Variants in SMARCAD1 observed in about 807,000 individuals in gnomAD.
SMARCAD1 encodes SWI/SNF-related matrix-associated actin-dependent regulator of chromatin subfamily A containing DEAD/H box 1.
In SMARCAD1, 25 loss-of-function variants were observed where a neutral mutation model predicts 127.1. The observed-to-expected ratio is 0.20, with a 90% CI of 0.14 to 0.27. The LOEUF (loss-of-function observed/expected upper bound fraction) is 0.27, where lower values mean the gene tolerates loss of function less well. Ranked by LOEUF, SMARCAD1 falls within the 10% of genes least tolerant of loss-of-function variation. SMARCAD1 has a pLI of 1.00. For missense variants in SMARCAD1, 807 were observed against 1,206.0 expected (o/e 0.67, Z 4.90); for synonymous variants, 400 against 396.9 (o/e 1.01, Z -0.09).
At chr4:94,273,909 A>G (rs529800674) in intron 12 of SMARCAD1, among the ~76,000 whole-genome samples, 193 bp downstream of exon 12, 1 of 152,212 alleles carries the variant, frequency 6.6e-6, no homozygotes. Context: ...GCAGTCTTTT[A>G]AAAAGAACTC....
Position 94,271,368 on chromosome 4 carries a change from A to G in SMARCAD1, c.1572+550A>G, listed in dbSNP as rs568929431. On this transcript the variant is annotated intron_variant, in intron 11 of 23. Coordinates refer to ENST00000354268, the MANE Select transcript of SMARCAD1 (RefSeq NM_020159.5). ...ACATTGCCTTAAAGCTGAGTTCACA[A>G]AGTTTGTTATAGCCAGTAGTCCAGG... Among the ~76,000 whole-genome samples, 26 of 152,234 alleles carry G rather than the reference A, an allele frequency of 1.7e-4. 2 individuals are homozygous for G. In the South Asian group the frequency reaches 5.4e-3, roughly 32 times the overall value.
intron 2 of SMARCAD1, among the ~76,000 whole-genome samples, chr4:94,224,505 C>T (rs1413400459): frequency 6.6e-6 from 1 of 152,166 alleles, no homozygotes; most frequent in African/African-American, 2.4e-5. Context: ...AAAGTTTTTA[C>T]AGCATTTTTG....
intron 2 of SMARCAD1, among the ~76,000 whole-genome samples, chr4:94,210,662 A>G (rs1050123573): frequency 2.0e-5 from 3 of 152,090 alleles, no homozygotes; most frequent in Non-Finnish European, 4.4e-5. Flanking sequence ...TAAGATTTTT[A>G]TGCGCGGTGG....
chr4:94,288,176 A>G (rs1433592904), intron 23 of SMARCAD1, among the ~76,000 whole-genome samples: 1 of 152,156 alleles, frequency 6.6e-6, no homozygotes, highest in African/African-American at 2.4e-5. Context: ...AGTTGGTACA[A>G]TACCATTGTA....
intron 3 of SMARCAD1, among the ~76,000 whole-genome samples, chr4:94,232,836 T>TAGCC (rs10633066): frequency 0.55 from 82,936 of 151,324 alleles, 23,183 homozygotes; most frequent in East Asian, 0.72. Flanking sequence ...AACACAAAAA[T>TAGCC]AGGTGTGGTG....
At chr4:94,219,089 G>A (rs1440153610) in intron 2 of SMARCAD1, among the ~76,000 whole-genome samples, 1 of 152,192 alleles carries the variant, frequency 6.6e-6, no homozygotes, top group Non-Finnish European at 1.5e-5. Flanking sequence ...TGGGATTACA[G>A]GTGTGAGCCA....
intron 5 of SMARCAD1, among the ~76,000 whole-genome samples, chr4:94,238,463 A>G (rs1747052114): frequency 6.6e-6 from 1 of 152,114 alleles, no homozygotes; most frequent in African/African-American, 2.4e-5. Flanking sequence ...TATTTGTTTA[A>G]GGGTCATCTG....
At chr4:94,262,728 T>C (rs756140707) in intron 9 of SMARCAD1, among the ~76,000 whole-genome samples, 1 of 152,140 alleles carries the variant, frequency 6.6e-6, no homozygotes. Context: ...TTAGATTTTA[T>C]TAGTCTTTTT....
chr4:94,234,582 T>TA lies in SMARCAD1; in HGVS notation c.537+462dup, dbSNP rs149995569. Among the ~76,000 whole-genome samples, 346 of 152,314 alleles carry TA rather than the reference T, an allele frequency of 2.3e-3. 9 individuals are homozygous for TA. In the East Asian group the frequency reaches 0.046, roughly 20 times the overall value. ...GCACTCTTGCTGAGAAATATTGATT[T>TA]AACTACAGAAACAAAGGAGTATAGT... is the stretch of plus-strand genomic sequence containing the variant. On this transcript the variant is annotated intron_variant, in intron 4 of 23. Coordinates refer to ENST00000354268, the MANE Select transcript of SMARCAD1 (RefSeq NM_020159.5).
chr4:94,273,741 ATTTAAC>A, intron 12 of SMARCAD1, 25 bp downstream of exon 12: 1 of 1,556,736 alleles, frequency 6.4e-7, no homozygotes, highest in Non-Finnish European at 8.9e-7. Flanking sequence ...AGACAACTGT[ATTTAAC>A]TTTATCATGT....
intron 2 of SMARCAD1, 103 bp from the exon 3 acceptor site, chr4:94,226,016 G>T: frequency 1.0e-6 from 1 of 999,084 alleles, no homozygotes; most frequent in African/African-American, 1.6e-5. Flanking sequence ...TTTTAGATTG[G>T]AAACAATGAA....
intron 2 of SMARCAD1, among the ~76,000 whole-genome samples, chr4:94,213,876 C>G (rs1242465851): frequency 1.3e-5 from 2 of 152,134 alleles, no homozygotes; most frequent in African/African-American, 2.4e-5. Flanking sequence ...AGAGAGTGGT[C>G]TAAACCCTAG....
Position 94,279,001 on chromosome 4 carries a change from A to G in SMARCAD1, c.2369A>G (p.Gln790Arg), listed in dbSNP as rs975789003. ...KMANHPLLHRQYYTAEKLKEM... is the reference protein window; with the variant it reads ...KMANHPLLHRRYYTAEKLKEM... ...GCCAATCATCCTTTATTACATCGCC[A>G]ATATTACACAGCTGAAAAACTCAAG... Residue 790 changes from glutamine to arginine, a missense_variant, in exon 19 of 24, where the codon CAA becomes CGA. By Grantham distance (43) the Gln-to-Arg change is conservative. Around this residue, in one of 8 missense-constraint regions of SMARCAD1, gnomAD observed 99 missense variants for 126.0 expected, o/e 0.79. Transcript: ENST00000354268. The G allele has an allele frequency of 6.8e-6, 11 of 1,614,062 alleles. No individual in the cohort carries two copies. Among genetic ancestry groups the G allele is most frequent in the Non-Finnish European group, 9.3e-6 (11 of 1,180,040 alleles).
chr4:94,280,792 G>A lies in SMARCAD1; in HGVS notation c.2607+12G>A, dbSNP rs754275482. On this transcript the variant is annotated intron_variant, in intron 20 of 23. Transcript: ENST00000354268. ...AATTGAAACAGAAGGTATTAAAAAA[G>A]AATGGCGTTTCTTTTGTATTTTCTC... 1.2e-6 allele frequency: 2 copies of A among 1,612,296 alleles called. No individual in the cohort carries two copies. Among genetic ancestry groups the A allele is most frequent in the South Asian group, 1.1e-5 (1 of 90,774 alleles).
rs1232642021 is a variant in SMARCAD1 at position 94,276,489 on chromosome 4, G to A, written c.1944+15G>A. ...TGACAATTAATGTAAGAGAATGTTT[G>A]TAAAGTTTTCCAAATTACTGTAAAA... On this transcript the variant is annotated intron_variant, in intron 15 of 23. Coordinates refer to ENST00000354268, the MANE Select transcript of SMARCAD1 (RefSeq NM_020159.5). 6.2e-7 allele frequency: 1 copy of A among 1,613,676 alleles called. No homozygotes were observed. Among genetic ancestry groups the A allele is most frequent in the East Asian group, 2.2e-5 (1 of 44,848 alleles).
intron 12 of SMARCAD1, among the ~76,000 whole-genome samples, 175 bp from the exon 13 acceptor site, chr4:94,274,563 C>T (rs999986963): frequency 4.6e-5 from 7 of 152,174 alleles, no homozygotes; most frequent in African/African-American, 7.2e-5. Context: ...GTGATCCACC[C>T]GCCTCAGCTT....
At chr4:94,231,453 G>A (rs917932049) in intron 3 of SMARCAD1, among the ~76,000 whole-genome samples, 19 of 152,148 alleles carry the variant, frequency 1.2e-4, no homozygotes, top group African/African-American at 4.6e-4. Flanking sequence ...TGTTCTTACA[G>A]GTTTTTTTCT....
At chr4:94,226,072 G>A (rs1314151094) in intron 2 of SMARCAD1, 47 bp from the exon 3 acceptor site, 18 of 1,462,302 alleles carry the variant, frequency 1.2e-5, no homozygotes, top group South Asian at 4.7e-5. Flanking sequence ...CAACAGATTC[G>A]TTTTCCAGTT....
intron 10 of SMARCAD1, among the ~76,000 whole-genome samples, chr4:94,265,230 A>G (rs1188977484): frequency 2.0e-5 from 3 of 151,974 alleles, no homozygotes; most frequent in South Asian, 2.1e-4. Context: ...AGTTACTCCT[A>G]TACACAAATT....
Sources: gnomAD v4.1 joint callset for allele counts (sites outside exome capture counted in the v4.1 genomes callset) on GRCh38, gnomAD v4.1.1 for gene constraint, gnomAD v4.1.1 regional missense constraint, MANE v1.5 for transcripts, NCBI Gene and HGNC (gene_info 2026-07-23, HGNC 2026-07-21) for gene names.